KALRN: variants seen among roughly 807,000 people sequenced by gnomAD.
KALRN encodes kalirin.
KALRN carries 70 observed loss-of-function variants against 353.7 expected under a neutral mutation model. The ratio of observed to expected loss-of-function variants is 0.20; its 90% CI spans 0.16 to 0.24. The LOEUF (loss-of-function observed/expected upper bound fraction) is 0.24, where lower values mean the gene tolerates loss of function less well. Ranked by LOEUF, KALRN falls within the 10% of genes least tolerant of loss-of-function variation. KALRN has a pLI of 1.00. For synonymous variants in KALRN, 1,391 were observed against 1,434.8 expected, an observed-to-expected ratio of 0.97 and a Z score of 0.69; for missense variants, 2,791 against 3,756.7, an observed-to-expected ratio of 0.74 and a Z score of 6.72.
intron 1 of KALRN, among the ~76,000 whole-genome samples, chr3:124,065,854 T>C (rs1446707703): frequency 1.3e-5 from 2 of 152,188 alleles, no homozygotes; most frequent in Non-Finnish European, 2.9e-5. Context: ...GTTTTATTAT[T>C]ATTACTAAAA....
intron 1 of KALRN, among the ~76,000 whole-genome samples, chr3:124,223,797 C>G (rs763906978): frequency 2.6e-5 from 4 of 152,198 alleles, no homozygotes; most frequent in Non-Finnish European, 4.4e-5. Flanking sequence ...TAAGGTCACA[C>G]AGAGGCTGGA....
intron 13 of KALRN, among the ~76,000 whole-genome samples, chr3:124,413,017 A>C (rs1395575876): frequency 7.2e-5 from 11 of 152,148 alleles, no homozygotes; most frequent in Admixed American, 2.6e-4. Flanking sequence ...AACAGCAACA[A>C]CTGTGGGATG....
At chr3:124,624,644 C>T (rs1013117897) in intron 34 of KALRN, among the ~76,000 whole-genome samples, 1 of 152,130 alleles carries the variant, frequency 6.6e-6, no homozygotes, top group African/African-American at 2.4e-5. Context: ...TCAATTACCT[C>T]CTCATAGAGT....
chr3:124,163,731 T>A, intron 1 of KALRN: 1 of 985,406 alleles, frequency 1.0e-6, no homozygotes, highest in Non-Finnish European at 1.2e-6. Context: ...TTGCTCATAG[T>A]TCTCACTACA....
intron 33 of KALRN, among the ~76,000 whole-genome samples, chr3:124,550,535 T>TGTA (rs1387733626): frequency 6.6e-6 from 1 of 152,044 alleles, no homozygotes; most frequent in Non-Finnish European, 1.5e-5. Flanking sequence ...CCCTAGCCAG[T>TGTA]GTAGTATGAG....
At chr3:124,641,421 T>C (rs968874560) in intron 37 of KALRN, among the ~76,000 whole-genome samples, 19 of 152,226 alleles carry the variant, frequency 1.2e-4, no homozygotes, top group African/African-American at 4.6e-4. Context: ...TTTCACTGTG[T>C]GATTTTTAAT....
chr3:124,150,225 C>T (rs2067909385), intron 1 of KALRN, among the ~76,000 whole-genome samples: 1 of 152,140 alleles, frequency 6.6e-6, no homozygotes, highest in Non-Finnish European at 1.5e-5. Context: ...AATTGAACAA[C>T]TTTGATGCCC....
At chr3:124,082,528 A>T (rs2060596689) in intron 1 of KALRN, among the ~76,000 whole-genome samples, 1 of 152,172 alleles carries the variant, frequency 6.6e-6, no homozygotes, top group Admixed American at 6.5e-5. Context: ...AACCTAAAAA[A>T]CATAGTGAGG....
At chr3:124,667,888 AG>A (rs2085850605) in intron 47 of KALRN, among the ~76,000 whole-genome samples, 1 of 152,142 alleles carries the variant, frequency 6.6e-6, no homozygotes, top group Non-Finnish European at 1.5e-5. Context: ...GGCATGGGAA[AG>A]GGGTATGCGA....
intron 10 of KALRN, among the ~76,000 whole-genome samples, chr3:124,354,094 C>G (rs182383373): frequency 4.6e-5 from 7 of 152,270 alleles, no homozygotes; most frequent in African/African-American, 1.4e-4. Flanking sequence ...AGCCAATATC[C>G]AAGATATTAT....
intron 10 of KALRN, among the ~76,000 whole-genome samples, chr3:124,360,139 G>C (rs187204043): frequency 6.6e-6 from 1 of 152,360 alleles, no homozygotes; most frequent in South Asian, 2.1e-4. Context: ...TTTGCACCTG[G>C]GAGGCTCTTA....
chr3:124,261,817 G>A (rs892163787), intron 3 of KALRN, among the ~76,000 whole-genome samples: 1 of 152,126 alleles, frequency 6.6e-6, no homozygotes, highest in African/African-American at 2.4e-5. Context: ...TAACGTTGCC[G>A]AACCTGACAT....
At chr3:124,070,295 A>G (rs145308688) in intron 1 of KALRN, among the ~76,000 whole-genome samples, 246 of 152,312 alleles carry the variant, frequency 1.6e-3, no homozygotes, top group African/African-American at 5.4e-3. Flanking sequence ...ACCAAGCTCA[A>G]TGATCCGTGG....
chr3:124,585,178 T>G (rs886514210), intron 34 of KALRN, among the ~76,000 whole-genome samples: 19 of 152,106 alleles, frequency 1.2e-4, no homozygotes, highest in African/African-American at 3.1e-4. Context: ...CGACTTTGGA[T>G]GTCAGGGCGC....
intron 27 of KALRN, among the ~76,000 whole-genome samples, chr3:124,478,573 T>A (rs1373923445): frequency 6.6e-6 from 1 of 152,200 alleles, no homozygotes; most frequent in Non-Finnish European, 1.5e-5. Context: ...TATCCCACAC[T>A]AGAATACCTG....
At chr3:124,392,758 T>C (rs2089609596) in intron 11 of KALRN, among the ~76,000 whole-genome samples, 1 of 150,608 alleles carries the variant, frequency 6.6e-6, no homozygotes, top group Non-Finnish European at 1.5e-5. Flanking sequence ...GTGTACGGCA[T>C]CATGCCCAGC....
At chr3:124,444,890 C>T (rs754513732) in intron 19 of KALRN, among the ~76,000 whole-genome samples, 1 of 151,888 alleles carries the variant, frequency 6.6e-6, no homozygotes, top group African/African-American at 2.4e-5. Context: ...CAGATTCTGT[C>T]CTCAGAAAGC....
chr3:124,080,208 G>A (rs898273124), intron 1 of KALRN: 33 of 266,658 alleles, frequency 1.2e-4, no homozygotes, highest in South Asian at 1.2e-3. Flanking sequence ...TTAGGTTTGT[G>A]GTAACTGAAA....
At chr3:124,360,316 A>C (rs559296944) in intron 10 of KALRN, among the ~76,000 whole-genome samples, 17 of 152,310 alleles carry the variant, frequency 1.1e-4, no homozygotes, top group African/African-American at 3.8e-4. Context: ...TATGGAGGAC[A>C]AGTCTGTCAG....
Sources: gnomAD v4.1 joint callset for allele counts (sites outside exome capture counted in the v4.1 genomes callset) on GRCh38, gnomAD v4.1.1 for gene constraint, MANE v1.5 for transcripts, NCBI Gene and HGNC (gene_info 2026-07-23, HGNC 2026-07-21) for gene names.